Variants in PLCB4 observed in about 807,000 individuals in gnomAD.
PLCB4 encodes the protein 1-phosphatidylinositol 4,5-bisphosphate phosphodiesterase beta-4.
PLCB4 carries 77 observed loss-of-function variants against 178.8 expected under a neutral mutation model. That is an observed-to-expected ratio of 0.43 (90% CI 0.36 to 0.52). The LOEUF is 0.52. PLCB4 is among the 20% of genes least tolerant of loss of function. The pLI is 0.00. For missense variants in PLCB4, 1,024 were observed against 1,453.4 expected, an observed-to-expected ratio of 0.70 and a Z score of 4.80; for synonymous variants, 496 against 490.8, an observed-to-expected ratio of 1.01 and a Z score of -0.14.
At chr20:9,312,006 C>T (rs2094840256) in intron 4 of PLCB4, among the ~76,000 whole-genome samples, 1 of 152,102 alleles carries the variant, frequency 6.6e-6, no homozygotes, top group African/African-American at 2.4e-5. Flanking sequence ...TAGTGGCTTT[C>T]TTATTGGATG....
At chr20:9,341,036 C>T (rs2033131493) in intron 7 of PLCB4, among the ~76,000 whole-genome samples, 1 of 152,136 alleles carries the variant, frequency 6.6e-6, no homozygotes, top group Non-Finnish European at 1.5e-5. Context: ...ACACAGCAAG[C>T]TGGGCCAGAG....
chr20:9,408,812 G>T (rs956319261), intron 23 of PLCB4, 95 bp downstream of exon 23: 3 of 737,994 alleles, frequency 4.1e-6, no homozygotes, highest in Non-Finnish European at 4.8e-6. Flanking sequence ...CATTCTGGTG[G>T]TGGAGTTCAT....
chr20:9,332,634 C>T (rs546475492), intron 4 of PLCB4, among the ~76,000 whole-genome samples: 14 of 152,228 alleles, frequency 9.2e-5, no homozygotes, highest in African/African-American at 3.4e-4. Context: ...AATTGCTTCT[C>T]TTAACAACTG....
intron 2 of PLCB4, among the ~76,000 whole-genome samples, chr20:9,173,075 G>A (rs2093090723): frequency 6.6e-6 from 1 of 152,112 alleles, no homozygotes; most frequent in African/African-American, 2.4e-5. Context: ...GTGCCTCCTG[G>A]CTGTAAATAT....
At chr20:9,122,885 A>G (rs1428558508) in intron 2 of PLCB4, among the ~76,000 whole-genome samples, 1 of 152,172 alleles carries the variant, frequency 6.6e-6, no homozygotes, top group Non-Finnish European at 1.5e-5. Flanking sequence ...GAATTGAATT[A>G]TAAATGCAGT....
chr20:9,110,732 C>T (rs970623707), intron 2 of PLCB4, among the ~76,000 whole-genome samples: 3 of 152,146 alleles, frequency 2.0e-5, no homozygotes, highest in Non-Finnish European at 4.4e-5. Context: ...AGTGTGTTGG[C>T]ATTTGAAGTA....
rs114151272 is a variant in PLCB4, at chr20:9,468,812, C to T, written c.3350+140C>T. The T allele has an allele frequency of 6.8e-3, 3,784 of 559,640 alleles. 99 individuals are homozygous for T. Among genetic ancestry groups the T allele is most frequent in the African/African-American group, 0.063 (3,386 of 53,534 alleles). The allele number at this position is 559,640 out of a possible 1,614,324, so 34.7% of individuals were successfully genotyped here. On this transcript the variant is annotated intron_variant, in intron 36 of 39. Transcript: ENST00000378473. Reference sequence around the variant, plus strand: ...TTGACTAGGAATTCTGCTATTATAACTGCAATGGAGATTTGTTATTATCAC... The same window carrying T: ...TTGACTAGGAATTCTGCTATTATAATTGCAATGGAGATTTGTTATTATCAC...
intron 2 of PLCB4, among the ~76,000 whole-genome samples, chr20:9,133,798 G>A (rs1600640714): frequency 6.6e-6 from 1 of 152,144 alleles, no homozygotes; most frequent in South Asian, 2.1e-4. Flanking sequence ...AGCTCTCCCT[G>A]TGCACATGAT....
At chr20:9,161,939 G>A (rs1429715335) in intron 2 of PLCB4, among the ~76,000 whole-genome samples, 2 of 152,130 alleles carry the variant, frequency 1.3e-5, no homozygotes, top group African/African-American at 2.4e-5. Flanking sequence ...CATTAATGCC[G>A]ATAATCACTG....
intron 19 of PLCB4, among the ~76,000 whole-genome samples, chr20:9,396,878 G>A (rs2099496492): frequency 6.6e-6 from 1 of 152,178 alleles, no homozygotes; most frequent in South Asian, 2.1e-4. Context: ...ATCTAAACCT[G>A]CATCATATTG....
chr20:9,280,362 A>G, intron 3 of PLCB4: 1 of 657,844 alleles, frequency 1.5e-6, no homozygotes, highest in Non-Finnish European at 1.9e-6. Flanking sequence ...TTCACATTGG[A>G]TTTCCAAGTT....
chr20:9,308,500 T>G (rs1336798858), intron 4 of PLCB4, among the ~76,000 whole-genome samples: 2 of 152,204 alleles, frequency 1.3e-5, no homozygotes, highest in African/African-American at 4.8e-5. Context: ...AATGCATGAT[T>G]TTTCTTCTGT....
intron 3 of PLCB4, among the ~76,000 whole-genome samples, chr20:9,287,870 T>C (rs1423758404): frequency 1.3e-5 from 2 of 152,148 alleles, no homozygotes; most frequent in African/African-American, 4.8e-5. Flanking sequence ...ATGTTTTTCT[T>C]TTCCTTAAGG....
At chr20:9,244,283 G>GAATA (rs1230720919) in intron 3 of PLCB4, among the ~76,000 whole-genome samples, 1 of 152,140 alleles carries the variant, frequency 6.6e-6, no homozygotes, top group African/African-American at 2.4e-5. Flanking sequence ...AGCTGTAAGA[G>GAATA]AATACCATAT....
At chr20:9,272,666 C>T (rs1408291354) in intron 3 of PLCB4, among the ~76,000 whole-genome samples, 1 of 152,104 alleles carries the variant, frequency 6.6e-6, no homozygotes, top group Non-Finnish European at 1.5e-5. Context: ...AGAGCTCTCC[C>T]CTTGGGGCCA....
At chr20:9,446,020 A>T (rs1209052622) in intron 32 of PLCB4, among the ~76,000 whole-genome samples, 3 of 152,208 alleles carry the variant, frequency 2.0e-5, no homozygotes, top group East Asian at 3.8e-4. Flanking sequence ...TGGCCAGAAA[A>T]TATGCTGTGG....
At chr20:9,228,318 AGAGT>A (rs1402210599) in intron 3 of PLCB4, among the ~76,000 whole-genome samples, 2 of 152,214 alleles carry the variant, frequency 1.3e-5, no homozygotes, top group Non-Finnish European at 2.9e-5. Flanking sequence ...GTGATGAGAG[AGAGT>A]AAGGAAGAAG....
In PLCB4 at chr20:9,428,286, G is replaced by A. The variant is rs903042555; in HGVS notation, c.2524+4334G>A. 2.0e-5 allele frequency among the ~76,000 whole-genome samples: 3 copies of A among 152,256 alleles called. No individual in the cohort carries two copies. In the East Asian group the frequency reaches 5.8e-4, roughly 29 times the overall value. ...TGAAAAACCCAGTTGCATATTCACA[G>A]TGATATCTTTCTTGTGGCCTTTTCT... On this transcript the variant is annotated intron_variant, in intron 28 of 39. Coordinates refer to ENST00000378473, the MANE Select transcript of PLCB4 (RefSeq NM_001377142.1).
At chr20:9,172,541 G>A (rs6077500) in intron 2 of PLCB4, among the ~76,000 whole-genome samples, 30,195 of 152,090 alleles carry the variant, frequency 0.2, 3,095 homozygotes, top group African/African-American at 0.25. Flanking sequence ...TATATTTTAT[G>A]TATTAGTCTT....
Sources: allele counts gnomAD v4.1 joint callset (sites outside exome capture counted in the v4.1 genomes callset), GRCh38; gene constraint gnomAD v4.1.1; transcripts MANE v1.5; gene names NCBI Gene and HGNC (gene_info 2026-07-23, HGNC 2026-07-21).